Variants in ATAD3A observed in about 807,000 individuals in gnomAD.
ATAD3A encodes the protein ATPase family AAA domain containing 3A.
In ATAD3A, 46 loss-of-function variants were observed where a neutral mutation model predicts 73.8. The ratio of observed to expected loss-of-function variants is 0.62; its 90% CI spans 0.49 to 0.80. The LOEUF (loss-of-function observed/expected upper bound fraction) is 0.80. Ranked by LOEUF, ATAD3A falls within the 30% of genes least tolerant of loss-of-function variation. ATAD3A has a pLI of 0.00. For synonymous variants in ATAD3A, 319 were observed against 350.0 expected (o/e 0.91, Z 0.99); for missense variants, 705 against 838.0 (o/e 0.84, Z 1.96).
rs1339803354 is a variant in ATAD3A, at chr1:1,533,846, C to A, written c.1615-80C>A. ...TCCTGGAGCCCCTGGTTTGGTCCCT[C>A]CCCACCTCGGGGCCCTGGCGTGCAT... On this transcript the variant is annotated intron_variant, in intron 15 of 15. Coordinates refer to ENST00000378756, the MANE Select transcript of ATAD3A (RefSeq NM_001170535.3). 3.3e-5 allele frequency: 50 copies of A among 1,524,568 alleles called. No homozygotes were observed. The Admixed American group carries it at 9.5e-4, about 29-fold the overall frequency. 94.4% of individuals were successfully genotyped at this position (1,524,568 alleles called of 1,614,324 possible). A position where few individuals can be genotyped will look rare whatever the true frequency, so the allele number is the denominator to read the frequency against.
In ATAD3A at chr1:1,523,716, C is replaced by A; in HGVS notation, c.964-123C>A. On this transcript the variant is annotated intron_variant, in intron 9 of 15. Coordinates refer to ENST00000378756, the MANE Select transcript of ATAD3A (RefSeq NM_001170535.3). The surrounding 1 kb of genome is among the most constrained non-coding windows in gnomAD (Gnocchi z 5.1). ...TTGGACCGTGCTGGGGATAGATAGGCTGCCCCTGAGGTGGGAGGCTTCCCG... is the reference window on the plus strand; with the variant it reads ...TTGGACCGTGCTGGGGATAGATAGGATGCCCCTGAGGTGGGAGGCTTCCCG... 1 of 1,586,444 alleles carries A rather than the reference C, an allele frequency of 6.3e-7. No homozygotes were observed. Among genetic ancestry groups the A allele is most frequent in the Non-Finnish European group, 8.6e-7 (1 of 1,164,476 alleles).
rs553572858 is a variant in ATAD3A, at chr1:1,529,154, C to T, written c.1506-69C>T. On this transcript the variant is annotated intron_variant, in intron 14 of 15. Coordinates refer to ENST00000378756, the MANE Select transcript of ATAD3A (RefSeq NM_001170535.3). ...CGTGGGTGTCGGCCTCGCTGCCTGT[C>T]TTCCGGCCTCCACCTCGTGTTGTGG... The T allele has an allele frequency of 5.7e-6, 9 of 1,583,184 alleles. No homozygotes were observed. The East Asian group carries it at 2.1e-4, about 36-fold the overall frequency.
chr1:1,518,291 C>T (rs528232506), intron 4 of ATAD3A, among the ~76,000 whole-genome samples: 1 of 138,388 alleles, frequency 7.2e-6, no homozygotes, highest in Non-Finnish European at 1.6e-5. Flanking sequence ...TACGTACCCC[C>T]CCACACACAC....
chr1:1,512,170 T>A lies in ATAD3A; in HGVS notation c.-99T>A, dbSNP rs72468212. The A allele has an allele frequency of 3.4e-4, 411 of 1,216,984 alleles. 3 individuals carry two copies. The East Asian group carries it at 0.012, about 35-fold the overall frequency. The allele number at this position is 1,216,984 out of a possible 1,614,324, so 75.4% of individuals were successfully genotyped here. On this transcript the variant is annotated 5_prime_UTR_variant, in exon 1 of 16. Transcript: ENST00000378756. ...GTGTGTGGCGCCTGCGCAGTGGCGG[T>A]GACCACCGGCTCGCGGCGCGTGGAG...
rs1260654953 is a variant in ATAD3A, at chr1:1,534,552, A to C, written c.*480A>C. 5.6e-6 allele frequency: 2 copies of C among 355,388 alleles called. No homozygotes were observed. The highest frequency in any genetic ancestry group is 4.3e-5 in the African/African-American group (2 of 46,782). 22.0% of individuals were successfully genotyped at this position (355,388 alleles called of 1,614,324 possible). A position where few individuals can be genotyped will look rare whatever the true frequency, so the allele number is the denominator to read the frequency against. On this transcript the variant is annotated 3_prime_UTR_variant, in exon 16 of 16. Transcript: ENST00000378756. The stretch of plus-strand genomic sequence containing the variant: ...TGGCCGGCATGCCCCGATCTTTCAC[A>C]CACTGGTGACCCTGAGAGAGGAGGG...
At chr1:1,532,615 TCCCGTGCTTCCTGGAGGGGTGGC>T (rs1333149565) in intron 15 of ATAD3A, among the ~76,000 whole-genome samples, 1 of 152,170 alleles carries the variant, frequency 6.6e-6, no homozygotes, top group African/African-American at 2.4e-5. Flanking sequence ...TCCTGCCAGG[TCCCGTGCTTCCTGGAGGGGTGGC>T]CCCGTGAGCA....
In ATAD3A at chr1:1,534,482, C is replaced by T; in HGVS notation, c.*410C>T. On this transcript the variant is annotated 3_prime_UTR_variant, in exon 16 of 16. Transcript: ENST00000378756. ...CAGAGCCAGGTGAGGGGGCGCCTGC[C>T]AGGGCCAGACCCAGGTGGGGCAGCC... 1 of 1,000,646 alleles carries T rather than the reference C, an allele frequency of 1.0e-6. No individual in the cohort carries two copies. The highest frequency in any genetic ancestry group is 3.1e-5 in the South Asian group (1 of 32,724). The allele number at this position is 1,000,646 out of a possible 1,614,324, so 62.0% of individuals were successfully genotyped here.
chr1:1,522,944 A>G, intron 8 of ATAD3A, 45 bp downstream of exon 8: 1 of 1,595,362 alleles, frequency 6.3e-7, no homozygotes, highest in Non-Finnish European at 8.5e-7. Context: ...TTCCTGGCTG[A>G]GTCCCTTCTG....
chr1:1,514,951 G>A (rs544380009), intron 1 of ATAD3A, among the ~76,000 whole-genome samples: 8 of 152,268 alleles, frequency 5.3e-5, no homozygotes, highest in South Asian at 2.1e-4. Flanking sequence ...TCGGTTCATC[G>A]CAACATCCAC....
Position 1,527,230 on chromosome 1 carries a change from G to A in ATAD3A, c.1338-465G>A, listed in dbSNP as rs1416711171. The A allele has an allele frequency of 3.1e-6, 4 of 1,300,090 alleles. No individual in the cohort carries two copies. The East Asian group carries it at 2.2e-4, about 73-fold the overall frequency. The allele number at this position is 1,300,090 out of a possible 1,614,324, so 80.5% of individuals were successfully genotyped here. On this transcript the variant is annotated intron_variant, in intron 13 of 15. Coordinates refer to ENST00000378756, the MANE Select transcript of ATAD3A (RefSeq NM_001170535.3). Reference sequence around the variant, plus strand: ...CGTGGCTGACTCCTCAGGCACGTTGGGCTCCCAGGTCAGCTGCTGCCGGTG... The same window carrying A: ...CGTGGCTGACTCCTCAGGCACGTTGAGCTCCCAGGTCAGCTGCTGCCGGTG...
At chr1:1,517,645 G>C in intron 3 of ATAD3A, 71 bp from the exon 4 acceptor site, 1 of 911,824 alleles carries the variant, frequency 1.1e-6, no homozygotes, top group Non-Finnish European at 1.7e-6. Context: ...GGAGTCCCCG[G>C]CGCTCCGCCC....
chr1:1,529,978 C>T (rs77051834), intron 15 of ATAD3A, among the ~76,000 whole-genome samples: 96 of 152,366 alleles, frequency 6.3e-4, no homozygotes, highest in African/African-American at 2.3e-3. Context: ...GCATCACCAC[C>T]TCTGGGGTCC....
Position 1,526,616 on chromosome 1 carries a change from C to G in ATAD3A, c.1337+85C>G, listed in dbSNP as rs1570349597. 5 of 1,600,662 alleles carry G rather than the reference C, an allele frequency of 3.1e-6. No homozygotes were observed. The African/African-American group carries it at 5.3e-5, about 17-fold the overall frequency. The stretch of plus-strand genomic sequence containing the variant: ...TTCCCACCGAGGGACCTGAGGGGCC[C>G]TGGCTCACAGTGCTGGGCAGCTGCC... On this transcript the variant is annotated intron_variant, in intron 13 of 15. Coordinates refer to ENST00000378756, the MANE Select transcript of ATAD3A (RefSeq NM_001170535.3).
In ATAD3A at chr1:1,529,251, G is replaced by T. The variant is rs1422349676; in HGVS notation, c.1534G>T (p.Gly512Trp). 24 of 1,609,252 alleles carry T rather than the reference G, an allele frequency of 1.5e-5. No individual in the cohort carries two copies. The highest frequency in any genetic ancestry group is 2.0e-5 in the Non-Finnish European group (23 of 1,178,612). ...QRLKLAQFDY[G>W]RKCSEVARLT... ...CCTGAAGCTGGCCCAGTTTGACTAC[G>T]GGAGGAAGTGCTCGGAGGTCGCTCG... The change falls in exon 15 of 16, where the codon GGG becomes TGG. Residue 512 changes from glycine (G) to tryptophan (W), a missense_variant. By Grantham distance (184) the Gly-to-Trp change is radical (BLOSUM62 -2). This residue lies in a region of ATAD3A where 252 missense variants were observed against 278.5 expected (regional missense o/e 0.90). Coordinates refer to ENST00000378756, the MANE Select transcript of ATAD3A (RefSeq NM_001170535.3).
At chr1:1,519,145 C>T (rs531377419) in intron 5 of ATAD3A, among the ~76,000 whole-genome samples, 155 bp downstream of exon 5, 18 of 151,754 alleles carry the variant, frequency 1.2e-4, no homozygotes, top group Admixed American at 2.0e-4. Context: ...GGCTGCCTCT[C>T]GGAAGACACC....
chr1:1,530,859 A>C (rs1259762612), intron 15 of ATAD3A, among the ~76,000 whole-genome samples: 1 of 146,762 alleles, frequency 6.8e-6, no homozygotes, highest in Non-Finnish European at 1.5e-5. Flanking sequence ...AAAAAAACTA[A>C]GAATAATTTG....
chr1:1,533,931 G>A lies in ATAD3A; in HGVS notation c.1620G>A (p.Thr540=), dbSNP rs775376698. ...GCTGCCTCTCTCCCCACTAGGCCAC[G>A]GCGTATGCCTCCGAGGACGGGGTCC... ...IAQLAVSWQA[T]AYASEDGVLT... Residue 540 remains threonine, a synonymous_variant, in exon 16 of 16, where the codon ACG becomes ACA. Transcript: ENST00000378756. 5.0e-6 allele frequency: 8 copies of A among 1,612,800 alleles called. No homozygotes were observed. Among genetic ancestry groups the A allele is most frequent in the South Asian group, 3.3e-5 (3 of 91,042 alleles).
In ATAD3A at chr1:1,534,099, G is replaced by A. The variant is rs745804764; in HGVS notation, c.*27G>A. ...TCCACAGGGAGATCCACAGCTCACGGAGCCTGGCCGCGGACCCCTCCCACC... is the reference window on the plus strand; with the variant it reads ...TCCACAGGGAGATCCACAGCTCACGAAGCCTGGCCGCGGACCCCTCCCACC... On this transcript the variant is annotated 3_prime_UTR_variant, in exon 16 of 16. Coordinates refer to ENST00000378756, the MANE Select transcript of ATAD3A (RefSeq NM_001170535.3). The A allele has an allele frequency of 5.6e-6, 9 of 1,613,244 alleles. No individual in the cohort carries two copies. In the East Asian group the frequency reaches 1.3e-4, roughly 24 times the overall value.
intron 1 of ATAD3A, 147 bp from the exon 2 acceptor site, chr1:1,515,865 C>G: frequency 1.2e-6 from 1 of 839,636 alleles, no homozygotes; most frequent in Non-Finnish European, 1.9e-6. Context: ...CCAGGTCTGA[C>G]TAGGAAGGAG....
Sources: gnomAD v4.1 joint callset for allele counts (sites outside exome capture counted in the v4.1 genomes callset) on GRCh38, gnomAD v4.1.1 for gene constraint, gnomAD v4.1.1 regional missense constraint, Gnocchi (gnomAD v3.1) non-coding constraint, MANE v1.5 for transcripts, NCBI Gene and HGNC (gene_info 2026-07-23, HGNC 2026-07-21) for gene names.